Variants in ZNF718 observed in about 807,000 individuals in gnomAD.
ZNF718 encodes the protein zinc finger protein 718.
ZNF718 carries 3 observed loss-of-function variants against 2.6 expected under a neutral mutation model. The observed-to-expected ratio is 1.16, with a 90% CI of 0.53 to 3.01. The LOEUF is 3.01. Ranked by LOEUF, ZNF718 falls within the 30% of genes most tolerant of loss-of-function variation. The probability of loss-of-function intolerance (pLI) is 0.03; values close to 1 mark genes in which losing one functional copy is unlikely to be tolerated. For synonymous variants in ZNF718, 135 were observed against 77.9 expected (o/e 1.73, Z -3.86); for missense variants, 468 against 230.0 (o/e 2.03, Z -6.69).
intron 3 of ZNF718, among the ~76,000 whole-genome samples, chr4:145,460 A>G (rs1716007080): frequency 6.6e-6 from 1 of 152,316 alleles, no homozygotes; most frequent in African/African-American, 2.4e-5. Context: ...GCTTGAGATA[A>G]CAATGTAACT....
At position 133,668 on chromosome 4, in the gene ZNF718, T is replaced by G. The variant is rs782307344; in HGVS notation, c.226+2163T>G. Among the ~76,000 whole-genome samples the G allele has an allele frequency of 3.6e-4, 55 of 152,186 alleles. 1 individual carries two copies. The highest frequency in any genetic ancestry group is 2.0e-4 in the Admixed American group (3 of 15,284). ...TTAAGTAAACTAATTTTTACCAGAA[T>G]TTAATACAAGAGTTATGTTTGCATG... On this transcript the variant is annotated intron_variant, in intron 3 of 3. Coordinates refer to ENST00000510175, the MANE Select transcript of ZNF718 (RefSeq NM_001039127.6).
intron 3 of ZNF718, among the ~76,000 whole-genome samples, chr4:142,428 CTT>C (rs1346807866): frequency 6.6e-6 from 1 of 152,140 alleles, no homozygotes; most frequent in African/African-American, 2.4e-5. Context: ...AAGTAAGAAA[CTT>C]TAATGGTACA....
At chr4:164,727 G>C (rs1460911906), downstream of ZNF718, among the ~76,000 whole-genome samples, 1 of 152,064 alleles carries the variant, frequency 6.6e-6, no homozygotes, top group Non-Finnish European at 1.5e-5. Flanking sequence ...AAGCTGTTTA[G>C]TTACTGTTCC....
At chr4:197,671 A>G (rs1717819211) in intron 3 of ZNF718, among the ~76,000 whole-genome samples, 1 of 152,234 alleles carries the variant, frequency 6.6e-6, no homozygotes, top group African/African-American at 2.4e-5. Context: ...ATAAAATGGA[A>G]CTATGGAAGG....
rs1164522262 is a variant in ZNF718, at chr4:133,195, A to AATATATATAT, written c.226+1715_226+1724dup. ...TCCATCTTAAAAAAAAAAAAAAAAA[A>AATATATATAT]ATATATATATATATATATATATATA... On this transcript the variant is annotated intron_variant, in intron 3 of 3. Coordinates refer to ENST00000510175, the MANE Select transcript of ZNF718 (RefSeq NM_001039127.6). 3.4e-4 allele frequency among the ~76,000 whole-genome samples: 7 copies of AATATATATAT among 20,772 alleles called. 1 individual carries two copies. Among genetic ancestry groups the AATATATATAT allele is most frequent in the Non-Finnish European group, 4.4e-4 (5 of 11,376 alleles). The allele number at this position is 20,772 out of a possible 152,430, so 13.6% of individuals were successfully genotyped here.
chr4:127,561 A>G lies in ZNF718; in HGVS notation c.3+2888A>G, dbSNP rs1191937453. ...ATGTGCATAGCTCACCAGCCCTCCA[A>G]GACCTAAATGTGCAGTTCCAAATTC... On this transcript the variant is annotated intron_variant, in intron 1 of 3. Coordinates refer to ENST00000510175, the MANE Select transcript of ZNF718 (RefSeq NM_001039127.6). Among the ~76,000 whole-genome samples, 3 of 104,626 alleles carry G rather than the reference A, an allele frequency of 2.9e-5. 1 individual carries two copies. Among genetic ancestry groups the G allele is most frequent in the Non-Finnish European group, 6.4e-5 (3 of 46,770 alleles). 68.6% of individuals were successfully genotyped at this position (104,626 alleles called of 152,430 possible).
chr4:146,136 T>A lies in ZNF718; in HGVS notation c.226+14631T>A, dbSNP rs534936307. On this transcript the variant is annotated intron_variant, in intron 3 of 3. Coordinates refer to ENST00000510175, the MANE Select transcript of ZNF718 (RefSeq NM_001039127.6). The stretch of plus-strand genomic sequence containing the variant: ...AAGATTTATACTTTTATATGTTTTC[T>A]TGCTGTAAGTTAGGATTCCATCCTT... Among the ~76,000 whole-genome samples the A allele has an allele frequency of 3.6e-4, 55 of 151,270 alleles. 2 individuals carry two copies. In the South Asian group the frequency reaches 0.011, roughly 31 times the overall value.
chr4:167,065 A>G (rs1462641505), downstream of ZNF718, among the ~76,000 whole-genome samples: 2 of 152,176 alleles, frequency 1.3e-5, no homozygotes, highest in Non-Finnish European at 2.9e-5. Flanking sequence ...AGCTTTCTAC[A>G]TATGGCTAGC....
At chr4:178,497 A>T (rs868920550) in intron 3 of ZNF718, among the ~76,000 whole-genome samples, 2 of 152,106 alleles carry the variant, frequency 1.3e-5, no homozygotes, top group Admixed American at 1.3e-4. Flanking sequence ...AGGCTGCATT[A>T]TTCTCTTCTA....
At chr4:133,185 AAAAAAAAAAAATATATATATATATATAT>A (rs1460467548) in intron 3 of ZNF718, among the ~76,000 whole-genome samples, 4,281 of 28,588 alleles carry the variant, frequency 0.15, 1,406 homozygotes, top group African/African-American at 0.33. Context: ...CTTAAAAAAA[AAAAAAAAAAAATATATATATATATATAT>A]ATATATATAT....
intron 3 of ZNF718, among the ~76,000 whole-genome samples, chr4:155,274 G>C (rs1447563597): frequency 1.3e-5 from 2 of 152,208 alleles, no homozygotes; most frequent in Non-Finnish European, 2.9e-5. Context: ...GCACTGCCTA[G>C]TGGAGCTGTG....
chr4:182,905 C>A (rs1717496706), intron 3 of ZNF718, among the ~76,000 whole-genome samples: 1 of 152,076 alleles, frequency 6.6e-6, no homozygotes, highest in Non-Finnish European at 1.5e-5. Context: ...GATATTTGAC[C>A]TTTGTCAGAT....
chr4:171,195 G>A (rs913693739), intron 3 of ZNF718, among the ~76,000 whole-genome samples: 7 of 152,268 alleles, frequency 4.6e-5, no homozygotes, highest in East Asian at 1.9e-4. Context: ...CTGCCTGATC[G>A]TTCCTCTGGA....
downstream of ZNF718, among the ~76,000 whole-genome samples, chr4:164,589 G>A (rs553765705): frequency 6.6e-6 from 1 of 152,042 alleles, no homozygotes; most frequent in East Asian, 1.9e-4. Flanking sequence ...TGTGTGAGCT[G>A]GTCAGAAATT....
At position 188,883 on chromosome 4, in the gene ZNF718, G is replaced by C. The variant is rs2108815662; in HGVS notation, c.227-12198G>C. ...CCTTATAGTAGTACCCTATTGTTTGGTTATGATAACATTTTAGTAAGAACT... is the reference window on the plus strand; with the variant it reads ...CCTTATAGTAGTACCCTATTGTTTGCTTATGATAACATTTTAGTAAGAACT... On this transcript the variant is annotated intron_variant and NMD_transcript_variant, in intron 3 of 4. Coordinates refer to the ZNF718 transcript ENST00000642529. 1.3e-5 allele frequency among the ~76,000 whole-genome samples: 2 copies of C among 151,790 alleles called. 1 individual carries two copies. Among genetic ancestry groups the C allele is most frequent in the African/African-American group, 4.8e-5 (2 of 41,396 alleles).
At chr4:126,895 C>T (rs1384635367) in intron 1 of ZNF718, among the ~76,000 whole-genome samples, 1 of 150,810 alleles carries the variant, frequency 6.6e-6, no homozygotes, top group South Asian at 2.1e-4. Context: ...AGTGCGATCT[C>T]GGCTCACCGC....
intron 3 of ZNF718, among the ~76,000 whole-genome samples, chr4:185,342 T>C (rs7686948): frequency 0.095 from 14,510 of 152,282 alleles, 933 homozygotes; most frequent in Non-Finnish European, 0.14. Flanking sequence ...GAGTTCTACT[T>C]TGCTTACACT....
rs1292246210 is a variant in ZNF718 at position 132,197 on chromosome 4, G to A, written c.226+692G>A. ...TGATTGCGCCACTGCACTCCCTCCT[G>A]GGCAATATAGAGCTAGACTCTGTCT... On this transcript the variant is annotated intron_variant, in intron 3 of 3. Coordinates refer to ENST00000510175, the MANE Select transcript of ZNF718 (RefSeq NM_001039127.6). Among the ~76,000 whole-genome samples, 5 of 101,834 alleles carry A rather than the reference G, an allele frequency of 4.9e-5. 2 individuals are homozygous for A. The highest frequency in any genetic ancestry group is 1.7e-4 in the African/African-American group (5 of 29,388). The allele number at this position is 101,834 out of a possible 152,430, so 66.8% of individuals were successfully genotyped here.
intron 3 of ZNF718, among the ~76,000 whole-genome samples, chr4:190,809 G>A (rs937289343): frequency 1.3e-5 from 2 of 152,082 alleles, no homozygotes; most frequent in Non-Finnish European, 2.9e-5. Flanking sequence ...GGGAGGCTGG[G>A]GCGGGCAGAT....
Sources: gnomAD v4.1 joint callset for allele counts (sites outside exome capture counted in the v4.1 genomes callset) on GRCh38, gnomAD v4.1.1 for gene constraint, MANE v1.5 for transcripts, NCBI Gene and HGNC (gene_info 2026-07-23, HGNC 2026-07-21) for gene names.